The following SYAP1 variants were observed in gnomAD, a reference collection of about 807,000 sequenced individuals.
SYAP1 encodes the protein synapse-associated protein 1.
A neutral mutation model predicts 29.6 loss-of-function variants in SYAP1; 3 were observed. The ratio of observed to expected loss-of-function variants is 0.10; its 90% CI spans 0.05 to 0.26. SYAP1 has a LOEUF of 0.26. Among genes scored for constraint, SYAP1 ranks in the 10% least tolerant of loss-of-function variants. The pLI, the probability that SYAP1 is intolerant of heterozygous loss-of-function variation, is 1.00. For missense variants in SYAP1, 217 were observed against 264.1 expected (o/e 0.82, Z 1.24); for synonymous variants, 102 against 102.7 (o/e 0.99, Z 0.04).
intron 1 of SYAP1, among the ~76,000 whole-genome samples, chrX:16,725,849 C>G (rs918717805): frequency 1.8e-5 from 2 of 112,091 alleles, no homozygotes; most frequent in African/African-American, 6.5e-5. Flanking sequence ...TGCTAAAATA[C>G]CAGTTTTTAA....
intron 1 of SYAP1, among the ~76,000 whole-genome samples, chrX:16,733,962 A>T (rs1926266894): frequency 9.0e-6 from 1 of 111,323 alleles, no homozygotes; most frequent in Non-Finnish European, 1.9e-5. Flanking sequence ...GTGCAATAGA[A>T]CCTTGACACA....
In SYAP1 at chrX:16,754,998, A is replaced by C; in HGVS notation, c.629A>C (p.Lys210Thr). 1 of 1,211,186 alleles carries C rather than the reference A, an allele frequency of 8.3e-7. No homozygotes were observed. Among genetic ancestry groups the C allele is most frequent in the Non-Finnish European group, 1.1e-6 (1 of 894,766 alleles). Residue 210 changes from lysine to threonine, a missense_variant, in exon 6 of 9, where the codon AAG becomes ACG. Physicochemically the swap from Lys to Thr is moderately conservative, Grantham distance 78. Transcript: ENST00000380155. Reference protein sequence around the residue: ...RNYFYRVSLIKQSAQLTALAA... With the variant: ...RNYFYRVSLITQSAQLTALAA... ...TACTTTTACCGCGTCTCCCTGATTA[A>C]GCAGTCAGCCCAGCTCACGGCCCTG...
Position 16,756,808 on chromosome X carries a change from G to A in SYAP1, c.783+87G>A, listed in dbSNP as rs768789682. On this transcript the variant is annotated intron_variant, in intron 7 of 8. Transcript: ENST00000380155. ...TCTTTCTGATACCATTTAAAACTAT[G>A]TATGAATATGGGTTTGGAAGAAGCA... 2.4e-4 allele frequency: 219 copies of A among 919,211 alleles called. No individual in the cohort carries two copies. In the Middle Eastern group the frequency reaches 2.9e-3, roughly 12 times the overall value. 75.8% of individuals were successfully genotyped at this position (919,211 alleles called of 1,213,427 possible).
chrX:16,744,970 T>C (rs998092458), intron 5 of SYAP1, among the ~76,000 whole-genome samples: 10 of 112,394 alleles, frequency 8.9e-5, no homozygotes, highest in African/African-American at 3.2e-4. Flanking sequence ...CTGTCTCAAA[T>C]AAAAGACAGA....
intron 1 of SYAP1, among the ~76,000 whole-genome samples, chrX:16,724,781 A>T (rs1005643926): frequency 1.6e-4 from 18 of 111,914 alleles, no homozygotes; most frequent in African/African-American, 5.5e-4. Context: ...GCCGACTTGC[A>T]GGTGTCCCCT....
At chrX:16,746,243 T>G (rs1374733730) in intron 5 of SYAP1, among the ~76,000 whole-genome samples, 2 of 104,791 alleles carry the variant, frequency 1.9e-5, no homozygotes, top group African/African-American at 6.9e-5. Context: ...TTTTCTTTCT[T>G]TTTTTTTTTT....
chrX:16,723,429 C>T (rs779556461), intron 1 of SYAP1, among the ~76,000 whole-genome samples: 5 of 111,591 alleles, frequency 4.5e-5, no homozygotes. Flanking sequence ...GAAAAGAAGT[C>T]GTAGATGTTC....
chrX:16,721,645 A>T (rs1348570188), intron 1 of SYAP1, among the ~76,000 whole-genome samples: 1 of 111,191 alleles, frequency 9.0e-6, no homozygotes, highest in African/African-American at 3.3e-5. Flanking sequence ...CTCCTGCCTC[A>T]GCCTCCTGAG....
chrX:16,739,766 C>T (rs922987170), intron 3 of SYAP1, among the ~76,000 whole-genome samples: 3 of 111,407 alleles, frequency 2.7e-5, no homozygotes, highest in African/African-American at 3.3e-5. Context: ...TGTGAAGCAC[C>T]GTGTGTTTTG....
chrX:16,730,225 G>A (rs753136712), intron 1 of SYAP1, among the ~76,000 whole-genome samples: 1 of 111,495 alleles, frequency 9.0e-6, no homozygotes, highest in South Asian at 3.7e-4. Context: ...GTGGTGGCAG[G>A]TGCCTATAAT....
intron 8 of SYAP1, among the ~76,000 whole-genome samples, chrX:16,758,238 T>A (rs1175276942): frequency 2.8e-5 from 3 of 106,953 alleles, no homozygotes. Context: ...AGAGATGGGG[T>A]CTTGCCAGAT....
intron 5 of SYAP1, among the ~76,000 whole-genome samples, chrX:16,751,115 C>A (rs1476527464): frequency 9.1e-6 from 1 of 109,886 alleles, no homozygotes; most frequent in African/African-American, 3.3e-5. Flanking sequence ...GTCAGGCTTT[C>A]TTCTCGTTTT....
chrX:16,742,143 G>GGTTTTTTTTTTTTTT (rs766822719), intron 4 of SYAP1, among the ~76,000 whole-genome samples: 1 of 41,872 alleles, frequency 2.4e-5, no homozygotes, highest in African/African-American at 1.3e-4. Flanking sequence ...TTTTTGTGTG[G>GGTTTTTTTTTTTTTT]TTTTTTTTTT....
At chrX:16,750,250 A>C (rs1033059192) in intron 5 of SYAP1, among the ~76,000 whole-genome samples, 2 of 111,944 alleles carry the variant, frequency 1.8e-5, no homozygotes, top group Non-Finnish European at 3.8e-5. Flanking sequence ...CTCTTTTAGC[A>C]GTGGTAGCAT....
intron 4 of SYAP1, 120 bp downstream of exon 4, chrX:16,741,909 A>G: frequency 2.0e-6 from 1 of 500,339 alleles, no homozygotes; most frequent in Non-Finnish European, 3.4e-6. Context: ...TTGAGATGTT[A>G]GGAATGTACA....
At chrX:16,755,507 C>T (rs141637128) in intron 6 of SYAP1, among the ~76,000 whole-genome samples, 3 of 109,196 alleles carry the variant, frequency 2.7e-5, no homozygotes, top group African/African-American at 6.7e-5. Context: ...ATCTTCCCCC[C>T]CTCTCATTTT....
intron 8 of SYAP1, among the ~76,000 whole-genome samples, chrX:16,759,037 A>T (rs1926917452): frequency 9.3e-6 from 1 of 107,116 alleles, no homozygotes. Flanking sequence ...CAAAAAAAAA[A>T]AAAAATTAGC....
At chrX:16,722,484 C>T (rs1005966203) in intron 1 of SYAP1, among the ~76,000 whole-genome samples, 2 of 107,234 alleles carry the variant, frequency 1.9e-5, no homozygotes, top group South Asian at 4.2e-4. Flanking sequence ...GCCGAGATCG[C>T]GCCACTGCAC....
chrX:16,750,162 A>G (rs1156778530), intron 5 of SYAP1, among the ~76,000 whole-genome samples: 3 of 111,381 alleles, frequency 2.7e-5, no homozygotes, highest in Non-Finnish European at 3.8e-5. Flanking sequence ...AGGAGTGAAT[A>G]TAATGCGTTG....
Sources: gnomAD v4.1 joint callset for allele counts (sites outside exome capture counted in the v4.1 genomes callset) on GRCh38, gnomAD v4.1.1 for gene constraint, MANE v1.5 for transcripts, NCBI Gene and HGNC (gene_info 2026-07-23, HGNC 2026-07-21) for gene names.